ALK: variants seen among roughly 807,000 people sequenced by gnomAD.
ALK encodes ALK receptor tyrosine kinase.
A neutral mutation model predicts 163.1 loss-of-function variants in ALK; 74 were observed. The ratio of observed to expected loss-of-function variants is 0.45; its 90% CI spans 0.38 to 0.55. The LOEUF (loss-of-function observed/expected upper bound fraction) is 0.55, where lower values mean the gene tolerates loss of function less well. Among genes scored for constraint, ALK ranks in the 20% least tolerant of loss-of-function variants. The pLI is 0.00. For synonymous variants in ALK, 960 were observed against 843.2 expected, an observed-to-expected ratio of 1.14 and a Z score of -2.40; for missense variants, 2,063 against 2,105.3, an observed-to-expected ratio of 0.98 and a Z score of 0.39.
rs115483203 is a variant in ALK at position 29,875,722 on chromosome 2, G to A, written c.667+44271C>T. ...GCTGTGTTAGCTTGCTGAGAATGAT[G>A]GTTCCCAGCTTTATCCATGTCCCTG... is the stretch of plus-strand genomic sequence containing the variant. On this transcript the variant is annotated intron_variant, in intron 1 of 28. Coordinates refer to ENST00000389048, the MANE Select transcript of ALK (RefSeq NM_004304.5). Among the ~76,000 whole-genome samples, 932 of 152,162 alleles carry A rather than the reference G, an allele frequency of 6.1e-3. 9 individuals carry two copies. The highest frequency in any genetic ancestry group is 0.021 in the African/African-American group (888 of 41,504).
At chr2:29,342,810 G>A (rs973062224) in intron 5 of ALK, among the ~76,000 whole-genome samples, 12 of 151,534 alleles carry the variant, frequency 7.9e-5, no homozygotes, top group Non-Finnish European at 1.8e-4. Context: ...GGATATAGCT[G>A]GAACTACAGT....
chr2:29,209,756 G>T (rs752248378), intron 25 of ALK, 30 bp downstream of exon 25: 1 of 1,552,652 alleles, frequency 6.4e-7, no homozygotes, highest in East Asian at 2.2e-5. Flanking sequence ...GAAGAGACAG[G>T]CCCGGAGGGG....
intron 1 of ALK, among the ~76,000 whole-genome samples, chr2:29,726,414 G>A (rs1161962044): frequency 6.6e-6 from 1 of 152,142 alleles, no homozygotes; most frequent in Admixed American, 6.5e-5. Flanking sequence ...TATACTGAAA[G>A]CGATACAAAG....
chr2:29,341,779 G>A (rs1465458753), intron 5 of ALK, among the ~76,000 whole-genome samples: 4 of 152,216 alleles, frequency 2.6e-5, no homozygotes, highest in Non-Finnish European at 5.9e-5. Flanking sequence ...TATCAAATTT[G>A]ATAGGTACAG....
intron 1 of ALK, among the ~76,000 whole-genome samples, chr2:29,846,911 C>T (rs376441046): frequency 2.6e-5 from 4 of 152,228 alleles, no homozygotes; most frequent in South Asian, 2.1e-4. Flanking sequence ...TTATTTGGCC[C>T]GCACCTATAA....
At chr2:29,456,910 G>C (rs1339325631) in intron 4 of ALK, among the ~76,000 whole-genome samples, 6 of 152,074 alleles carry the variant, frequency 3.9e-5, no homozygotes, top group African/African-American at 1.4e-4. Context: ...TGCCTTCTCA[G>C]TTAGGGGAGA....
At chr2:29,832,153 G>A (rs1253516750) in intron 1 of ALK, among the ~76,000 whole-genome samples, 1 of 152,178 alleles carries the variant, frequency 6.6e-6, no homozygotes, top group African/African-American at 2.4e-5. Context: ...TCAACATCAT[G>A]GAGAAACTGG....
chr2:29,520,241 T>C (rs1336139989), intron 4 of ALK, among the ~76,000 whole-genome samples: 3 of 152,052 alleles, frequency 2.0e-5, no homozygotes, highest in Non-Finnish European at 4.4e-5. Flanking sequence ...AGTCCTTCGA[T>C]TGGAGGTTGA....
intron 3 of ALK, among the ~76,000 whole-genome samples, chr2:29,662,271 T>G (rs986237186): frequency 8.5e-5 from 13 of 152,104 alleles, no homozygotes; most frequent in African/African-American, 3.1e-4. Context: ...CTCCCTGCCC[T>G]TTGAGGTCTA....
chr2:29,853,430 C>A (rs1384946280), intron 1 of ALK, among the ~76,000 whole-genome samples: 4 of 152,168 alleles, frequency 2.6e-5, no homozygotes, highest in Non-Finnish European at 4.4e-5. Context: ...ACTGGACATC[C>A]AATCTCTCAG....
At chr2:29,618,367 A>T (rs1380390234) in intron 3 of ALK, among the ~76,000 whole-genome samples, 1 of 151,994 alleles carries the variant, frequency 6.6e-6, no homozygotes, top group Non-Finnish European at 1.5e-5. Flanking sequence ...TTAATTTAAG[A>T]TCTAAAACTC....
intron 4 of ALK, among the ~76,000 whole-genome samples, chr2:29,508,560 C>T (rs577748548): frequency 5.9e-5 from 9 of 151,462 alleles, no homozygotes; most frequent in South Asian, 4.2e-4. Context: ...GTGTGGGGAG[C>T]GGGAAGGGAT....
intron 1 of ALK, among the ~76,000 whole-genome samples, chr2:29,721,357 G>A (rs1271921495): frequency 6.6e-6 from 1 of 152,068 alleles, no homozygotes; most frequent in East Asian, 1.9e-4. Flanking sequence ...GGGAGAAGAG[G>A]GGTGGAGGAA....
In ALK at chr2:29,626,938, T is replaced by G. The variant is rs190282644; in HGVS notation, c.952+67912A>C. ...TGAAAAGAGAGCCCCTCTTGTTCCT[T>G]CCCCAGCTGCCAAACATCCCTAAAG... On this transcript the variant is annotated intron_variant, in intron 3 of 28. Transcript: ENST00000389048. Among the ~76,000 whole-genome samples, 393 of 152,270 alleles carry G rather than the reference T, an allele frequency of 2.6e-3. 2 individuals are homozygous for G. The highest frequency in any genetic ancestry group is 0.011 in the South Asian group (54 of 4,826).
chr2:29,433,314 G>A (rs191019187), intron 4 of ALK, among the ~76,000 whole-genome samples: 196 of 152,230 alleles, frequency 1.3e-3, no homozygotes, highest in African/African-American at 4.5e-3. Flanking sequence ...GGTGGGGCTG[G>A]AGAGTCTGTA....
At chr2:29,457,753 G>A (rs1166490902) in intron 4 of ALK, among the ~76,000 whole-genome samples, 2 of 152,118 alleles carry the variant, frequency 1.3e-5, no homozygotes, top group African/African-American at 4.8e-5. Flanking sequence ...TGTACTGGGT[G>A]TTTTACATAC....
At chr2:29,454,845 T>C (rs1670910482) in intron 4 of ALK, among the ~76,000 whole-genome samples, 1 of 152,176 alleles carries the variant, frequency 6.6e-6, no homozygotes, top group Non-Finnish European at 1.5e-5. Flanking sequence ...TAGTTAAAAT[T>C]ATATACTATT....
intron 3 of ALK, among the ~76,000 whole-genome samples, chr2:29,622,431 C>T (rs62132870): frequency 0.011 from 1,658 of 152,270 alleles, 21 homozygotes; most frequent in Non-Finnish European, 0.016. Context: ...CTAAATCCAT[C>T]AGATCTCCTG....
intron 1 of ALK, among the ~76,000 whole-genome samples, chr2:29,875,636 T>C (rs1402289557): frequency 6.6e-6 from 1 of 152,124 alleles, no homozygotes; most frequent in East Asian, 1.9e-4. Context: ...ACTGTGTCCA[T>C]GTGTTCTCGT....
Sources: gnomAD v4.1 joint callset for allele counts (sites outside exome capture counted in the v4.1 genomes callset) on GRCh38, gnomAD v4.1.1 for gene constraint, MANE v1.5 for transcripts, NCBI Gene and HGNC (gene_info 2026-07-23, HGNC 2026-07-21) for gene names.